The following CHRM3 variants were observed in gnomAD, a reference collection of about 807,000 sequenced individuals.
CHRM3 encodes muscarinic acetylcholine receptor M3.
In CHRM3, 11 loss-of-function variants were observed where a neutral mutation model predicts 41.8. That is an observed-to-expected ratio of 0.26 (90% CI 0.17 to 0.44). The LOEUF (loss-of-function observed/expected upper bound fraction) is 0.44. CHRM3 is among the 20% of genes least tolerant of loss of function. The pLI is 1.00. For missense variants in CHRM3, 571 were observed against 745.4 expected (o/e 0.77, Z 2.72); for synonymous variants, 297 against 301.4 (o/e 0.99, Z 0.15).
chr1:239,588,269 A>G (rs1663634659), intron 3 of CHRM3, among the ~76,000 whole-genome samples: 1 of 152,192 alleles, frequency 6.6e-6, no homozygotes, highest in South Asian at 2.1e-4. Flanking sequence ...CAGCCTCCGC[A>G]TGGTTCTGTT....
rs539867320 is a variant in CHRM3, at chr1:239,604,292, G to GTT, written c.-312-27923_-312-27922dup. ...ATTCTTAGCACATCTGGGAAACTAG[G>GTT]TTTTTTTTTTAACTGACAATCTGAA... On this transcript the variant is annotated intron_variant, in intron 3 of 6. Transcript: ENST00000676153. Among the ~76,000 whole-genome samples the GTT allele has an allele frequency of 3.3e-3, 395 of 119,618 alleles. 6 individuals are homozygous for GTT. Among genetic ancestry groups the GTT allele is most frequent in the South Asian group, 0.019 (65 of 3,388 alleles). The allele number at this position is 119,618 out of a possible 152,430, so 78.5% of individuals were successfully genotyped here. A position where few individuals can be genotyped will look rare whatever the true frequency, so the allele number is the denominator to read the frequency against.
At chr1:239,694,108 A>G (rs1279418108) in intron 5 of CHRM3, among the ~76,000 whole-genome samples, 1 of 152,184 alleles carries the variant, frequency 6.6e-6, no homozygotes, top group Non-Finnish European at 1.5e-5. Context: ...GCTTAAGAGA[A>G]TTAAAGACAA....
intron 6 of CHRM3, among the ~76,000 whole-genome samples, chr1:239,881,587 T>C (rs919337629): frequency 2.0e-5 from 3 of 152,140 alleles, no homozygotes; most frequent in Non-Finnish European, 4.4e-5. Context: ...CATCCGAATC[T>C]CCAGATTTTA....
chr1:239,863,039 G>A (rs1031128905), intron 6 of CHRM3, among the ~76,000 whole-genome samples: 1 of 152,180 alleles, frequency 6.6e-6, no homozygotes, highest in African/African-American at 2.4e-5. Flanking sequence ...AGGATATCAG[G>A]AGGAGTTTTT....
intron 1 of CHRM3, among the ~76,000 whole-genome samples, chr1:239,458,535 G>C (rs932633696): frequency 6.6e-6 from 1 of 152,230 alleles, no homozygotes; most frequent in East Asian, 1.9e-4. Flanking sequence ...TTTAAATGCT[G>C]AGTATATTTA....
intron 5 of CHRM3, among the ~76,000 whole-genome samples, chr1:239,760,736 T>C (rs566125264): frequency 6.6e-6 from 1 of 152,240 alleles, no homozygotes; most frequent in Non-Finnish European, 1.5e-5. Flanking sequence ...TCGGCTGTTA[T>C]TGTTACCTTG....
In CHRM3 at chr1:239,573,402, C is replaced by T. The variant is rs187132148; in HGVS notation, c.-313+27653C>T. ...TTAATTAGTTTAACATTGATATGTC[C>T]CAGGGCCAAAGCCTTGACCCTGGTT... is the stretch of plus-strand genomic sequence containing the variant. On this transcript the variant is annotated intron_variant, in intron 3 of 6. Coordinates refer to ENST00000676153, the MANE Select transcript of CHRM3 (RefSeq NM_001375978.1). Among the ~76,000 whole-genome samples the T allele has an allele frequency of 2.0e-5, 3 of 152,136 alleles. No individual in the cohort carries two copies. The East Asian group carries it at 5.8e-4, about 29-fold the overall frequency.
chr1:239,435,845 C>G (rs1379831836), intron 1 of CHRM3, among the ~76,000 whole-genome samples: 2 of 151,950 alleles, frequency 1.3e-5, no homozygotes, highest in Non-Finnish European at 2.9e-5. Context: ...AAATATTTAT[C>G]TATAAGGCAA....
At chr1:239,708,591 C>T (rs1661420278) in intron 5 of CHRM3, among the ~76,000 whole-genome samples, 2 of 152,084 alleles carry the variant, frequency 1.3e-5, no homozygotes, top group African/African-American at 4.8e-5. Context: ...CTCCGCAGCA[C>T]CATTCACAAA....
At chr1:239,431,936 T>C (rs1001135813) in intron 1 of CHRM3, among the ~76,000 whole-genome samples, 4 of 152,132 alleles carry the variant, frequency 2.6e-5, no homozygotes, top group African/African-American at 9.7e-5. Flanking sequence ...ACAACCCCAG[T>C]AATCCCCTGC....
At chr1:239,404,242 T>C (rs1184087756) in intron 1 of CHRM3, among the ~76,000 whole-genome samples, 2 of 145,196 alleles carry the variant, frequency 1.4e-5, no homozygotes, top group Non-Finnish European at 3.0e-5. Flanking sequence ...TGAGCCGAGA[T>C]CGCACCACTG....
At chr1:239,608,965 T>C (rs907774131) in intron 3 of CHRM3, among the ~76,000 whole-genome samples, 1 of 152,352 alleles carries the variant, frequency 6.6e-6, no homozygotes, top group South Asian at 2.1e-4. Context: ...ATGGCTTTTT[T>C]AACCTTTACT....
chr1:239,567,459 A>AT (rs769695142), intron 3 of CHRM3, among the ~76,000 whole-genome samples: 1 of 152,160 alleles, frequency 6.6e-6, no homozygotes, highest in Non-Finnish European at 1.5e-5. Flanking sequence ...TGATAGATGC[A>AT]TTTTTTTCTC....
intron 4 of CHRM3, among the ~76,000 whole-genome samples, chr1:239,662,894 T>TCCA (rs1673365589): frequency 1.2e-5 from 1 of 81,866 alleles, no homozygotes; most frequent in East Asian, 3.3e-4. Context: ...TTCCTCCTCC[T>TCCA]CTTCTTCTTC....
At chr1:239,699,539 C>T (rs1357221282) in intron 5 of CHRM3, among the ~76,000 whole-genome samples, 1 of 152,124 alleles carries the variant, frequency 6.6e-6, no homozygotes, top group Non-Finnish European at 1.5e-5. Flanking sequence ...TTCCCAGACT[C>T]GAGCCATGAG....
chr1:239,902,982 A>G (rs571471919), intron 6 of CHRM3, among the ~76,000 whole-genome samples: 10 of 152,346 alleles, frequency 6.6e-5, no homozygotes, highest in African/African-American at 9.6e-5. Flanking sequence ...TAGATATTGA[A>G]TGAATGTCAA....
intron 4 of CHRM3, among the ~76,000 whole-genome samples, chr1:239,643,422 C>T (rs1485513501): frequency 6.6e-6 from 1 of 152,194 alleles, no homozygotes; most frequent in Admixed American, 6.5e-5. Flanking sequence ...GGGCTCCACC[C>T]AGTTCGAGCT....
In CHRM3 at chr1:239,623,403, G is replaced by A. The variant is rs1387785824; in HGVS notation, c.-312-8821G>A. ...TTGCGATAGTTTGCTGAGAATGATGGTTTCCAGCTTCATCCATGTCCCTAC... is the reference window on the plus strand; with the variant it reads ...TTGCGATAGTTTGCTGAGAATGATGATTTCCAGCTTCATCCATGTCCCTAC... On this transcript the variant is annotated intron_variant, in intron 3 of 6. Coordinates refer to ENST00000676153, the MANE Select transcript of CHRM3 (RefSeq NM_001375978.1). Among the ~76,000 whole-genome samples, 117 of 150,960 alleles carry A rather than the reference G, an allele frequency of 7.8e-4. 1 individual carries two copies. The highest frequency in any genetic ancestry group is 1.3e-4 in the Non-Finnish European group (9 of 67,866).
chr1:239,636,574 T>C (rs577168323), intron 4 of CHRM3, among the ~76,000 whole-genome samples: 51 of 152,360 alleles, frequency 3.3e-4, no homozygotes, highest in African/African-American at 1.2e-3. Flanking sequence ...GATTGAGATT[T>C]GACAGCTGTT....
Sources: gnomAD v4.1 joint callset for allele counts (sites outside exome capture counted in the v4.1 genomes callset) on GRCh38, gnomAD v4.1.1 for gene constraint, MANE v1.5 for transcripts, NCBI Gene and HGNC (gene_info 2026-07-23, HGNC 2026-07-21) for gene names.